Variants in PCNT observed in about 807,000 individuals in gnomAD.
PCNT encodes the protein kendrin.
A neutral mutation model predicts 380.4 loss-of-function variants in PCNT; 319 were observed. That is an observed-to-expected ratio of 0.84 (90% confidence interval 0.77 to 0.92). PCNT has a LOEUF of 0.92. PCNT is among the 40% of genes least tolerant of loss of function. PCNT has a pLI of 0.00. For synonymous variants in PCNT, 1,845 were observed against 1,735.2 expected (o/e 1.06, Z -1.57); for missense variants, 4,400 against 4,255.3 (o/e 1.03, Z -0.95).
At position 46,445,266 on chromosome 21, in the gene PCNT, A is replaced by T; in HGVS notation, c.9968-18A>T. 1.3e-6 allele frequency: 2 copies of T among 1,592,650 alleles called. No individual in the cohort carries two copies. Among genetic ancestry groups the T allele is most frequent in the Non-Finnish European group, 1.7e-6 (2 of 1,160,354 alleles). The stretch of plus-strand genomic sequence containing the variant: ...AGCCTTGTAACCAATTTGCTGCCTC[A>T]TTTTTATTTATATGCAGATTCTACT... On this transcript the variant is annotated intron_variant, in intron 46 of 46. Coordinates refer to ENST00000359568, the MANE Select transcript of PCNT (RefSeq NM_006031.6).
At chr21:46,384,000 GCGGAAGCGCA>G in intron 16 of PCNT, among the ~76,000 whole-genome samples, 1 of 142,074 alleles carries the variant, frequency 7.0e-6, no homozygotes, top group Middle Eastern at 4.0e-3. Flanking sequence ...ATATTCAGTG[GCGGAAGCGCA>G]TTCACAGTGT....
chr21:46,325,800 C>A (rs543929153), intron 1 of PCNT, among the ~76,000 whole-genome samples: 48 of 152,312 alleles, frequency 3.2e-4, no homozygotes, highest in Non-Finnish European at 6.2e-4. Context: ...TAGGCTGTGC[C>A]TTCTGATGGG....
intron 2 of PCNT, among the ~76,000 whole-genome samples, chr21:46,329,286 C>T (rs2083482640): frequency 6.6e-6 from 1 of 152,112 alleles, no homozygotes; most frequent in Non-Finnish European, 1.5e-5. Context: ...TCTAACTCTG[C>T]TATTTGATGC....
At chr21:46,418,768 CT>C (rs2087129638) in intron 31 of PCNT, among the ~76,000 whole-genome samples, 1 of 152,236 alleles carries the variant, frequency 6.6e-6, no homozygotes, top group Admixed American at 6.5e-5. Flanking sequence ...CCTCTCTCTG[CT>C]GTGGGTTTCG....
rs781468861 is a variant in PCNT at position 46,411,799 on chromosome 21, C to T, written c.5726C>T (p.Pro1909Leu). ...ARIRRALEQQ[P>L]LAAGAAPPEL... ...ATCCGCCGCGCCCTGGAGCAGCAGC[C>T]CCTGGCAGCCGGGGCGGCGCCTCCC... Residue 1909 changes from proline to leucine, a missense_variant, in exon 28 of 47, where the codon CCC becomes CTC. Transcript: ENST00000359568. 1.8e-4 allele frequency: 290 copies of T among 1,594,970 alleles called. No individual in the cohort carries two copies. Among genetic ancestry groups the T allele is most frequent in the Non-Finnish European group, 2.3e-4 (267 of 1,174,176 alleles).
chr21:46,422,205 G>A (rs907293787), intron 32 of PCNT, 81 bp downstream of exon 32: 47 of 1,555,950 alleles, frequency 3.0e-5, no homozygotes, highest in South Asian at 4.5e-5. Flanking sequence ...CTGCCTTGCC[G>A]GGGAGAGCCT....
chr21:46,431,337 A>G (rs527739788), intron 37 of PCNT, 192 bp from the exon 38 acceptor site: 3 of 1,442,912 alleles, frequency 2.1e-6, no homozygotes, highest in East Asian at 2.5e-5. Context: ...AAAGTATGTC[A>G]TCTCCGCAGT....
chr21:46,391,469 C>T, intron 21 of PCNT, 93 bp downstream of exon 21: 1 of 1,053,480 alleles, frequency 9.5e-7, no homozygotes, highest in South Asian at 1.5e-5. Context: ...CTCAGTGTCT[C>T]TAGAGGGTCA....
At chr21:46,355,233 A>G (rs1240736146) in intron 11 of PCNT, among the ~76,000 whole-genome samples, 3 of 152,178 alleles carry the variant, frequency 2.0e-5, no homozygotes, top group Admixed American at 1.3e-4. Context: ...CAATTCTTGT[A>G]TGTCTTCCGG....
intron 42 of PCNT, 82 bp downstream of exon 42, chr21:46,440,284 AC>A: frequency 6.7e-7 from 1 of 1,482,548 alleles, no homozygotes; most frequent in Non-Finnish European, 9.3e-7. Context: ...CATTTTTGTG[AC>A]CACAAGGTTC....
intron 43 of PCNT, among the ~76,000 whole-genome samples, chr21:46,441,820 C>G (rs1027130178): frequency 4.6e-5 from 7 of 151,982 alleles, no homozygotes; most frequent in Non-Finnish European, 1.0e-4. Context: ...CAGTGGTGTC[C>G]CAGAAAGGAG....
chr21:46,391,129 C>A, intron 20 of PCNT, 35 bp from the exon 21 acceptor site: 1 of 1,538,210 alleles, frequency 6.5e-7, no homozygotes, highest in Non-Finnish European at 8.8e-7. Flanking sequence ...ACACCCAGGA[C>A]TGGCTTTGTC....
At chr21:46,350,754 A>G (rs543991293) in intron 8 of PCNT, among the ~76,000 whole-genome samples, 1 of 152,116 alleles carries the variant, frequency 6.6e-6, no homozygotes, top group East Asian at 1.9e-4. Context: ...CCACACCCCC[A>G]GTCTCTCCCT....
At chr21:46,367,708 T>G (rs2084978162) in intron 15 of PCNT, among the ~76,000 whole-genome samples, 1 of 152,110 alleles carries the variant, frequency 6.6e-6, no homozygotes, top group Non-Finnish European at 1.5e-5. Context: ...TAGACCTTGG[T>G]GGGGGATTTT....
chr21:46,424,585 C>G (rs765036667), intron 32 of PCNT, among the ~76,000 whole-genome samples: 1 of 152,218 alleles, frequency 6.6e-6, no homozygotes, highest in African/African-American at 2.4e-5. Flanking sequence ...TGCATTTTCT[C>G]CTCTATACAG....
rs367684162 is a variant in PCNT, at chr21:46,384,473, G to T, written c.3313-1359G>T. ...GCGCATTCACGGTGTTGTGCATTCA[G>T]TGGCAGAAGCGCATTCACGGTGTTG... On this transcript the variant is annotated intron_variant, in intron 16 of 46. Transcript: ENST00000359568. Among the ~76,000 whole-genome samples the T allele has an allele frequency of 5.4e-5, 8 of 147,272 alleles. 1 individual carries two copies. In the East Asian group the frequency reaches 1.5e-3, roughly 27 times the overall value.
intron 2 of PCNT, among the ~76,000 whole-genome samples, chr21:46,327,683 C>T (rs1413931494): frequency 6.6e-6 from 1 of 152,210 alleles, no homozygotes; most frequent in Admixed American, 6.5e-5. Flanking sequence ...TCGTGTCAGC[C>T]CCTTTGATGG....
Position 46,425,798 on chromosome 21 carries a change from G to A in PCNT, c.7180-33G>A. 1.2e-6 allele frequency: 2 copies of A among 1,610,622 alleles called. No individual in the cohort carries two copies. Among genetic ancestry groups the A allele is most frequent in the Non-Finnish European group, 8.5e-7 (1 of 1,179,518 alleles). ...AGAGCGTGGCTGTGTGGGGTGGCAGGCAACTCCCTTCTGACGCGCTTTCCC... is the reference window on the plus strand; with the variant it reads ...AGAGCGTGGCTGTGTGGGGTGGCAGACAACTCCCTTCTGACGCGCTTTCCC... On this transcript the variant is annotated intron_variant, in intron 32 of 46. Coordinates refer to ENST00000359568, the MANE Select transcript of PCNT (RefSeq NM_006031.6). The surrounding 1 kb of genome is among the most constrained non-coding windows in gnomAD (Gnocchi z 4.2).
chr21:46,412,385 TA>T (rs2086818484), intron 28 of PCNT, among the ~76,000 whole-genome samples: 1 of 152,258 alleles, frequency 6.6e-6, no homozygotes, highest in Non-Finnish European at 1.5e-5. Context: ...AGGGTCCGCT[TA>T]AGCTGCTTCT....
Sources: allele counts gnomAD v4.1 joint callset (sites outside exome capture counted in the v4.1 genomes callset), GRCh38; gene constraint gnomAD v4.1.1; non-coding constraint Gnocchi (gnomAD v3.1); transcripts MANE v1.5; gene names NCBI Gene and HGNC (gene_info 2026-07-23, HGNC 2026-07-21).